UGT1A7: variants seen among roughly 807,000 people sequenced by gnomAD.
UGT1A7 encodes the protein UDP glucuronosyltransferase family 1 member A7.
In UGT1A7, 33 loss-of-function variants were observed where a neutral mutation model predicts 45.6. The ratio of observed to expected loss-of-function variants is 0.72; its 90% confidence interval spans 0.55 to 0.97. The LOEUF (loss-of-function observed/expected upper bound fraction) is 0.97. Among genes scored for constraint, UGT1A7 ranks in the 50% least tolerant of loss-of-function variants. The probability of loss-of-function intolerance (pLI) is 0.00; values close to 1 mark genes in which losing one functional copy is unlikely to be tolerated. For synonymous variants in UGT1A7, 274 were observed against 250.6 expected, an observed-to-expected ratio of 1.09 and a Z score of -0.88; for missense variants, 684 against 666.2, an observed-to-expected ratio of 1.03 and a Z score of -0.29.
intron 1 of UGT1A7, among the ~76,000 whole-genome samples, chr2:233,720,981 G>T (rs746699495): frequency 6.6e-6 from 1 of 151,748 alleles, no homozygotes; most frequent in Non-Finnish European, 1.5e-5. Context: ...AAAGTGCTGG[G>T]ATTACAGGCA....
intron 1 of UGT1A7, among the ~76,000 whole-genome samples, chr2:233,737,817 A>C (rs1486472314): frequency 6.6e-6 from 1 of 152,110 alleles, no homozygotes; most frequent in Admixed American, 6.5e-5. Flanking sequence ...TCAGTGGAGC[A>C]GAACAAATTG....
chr2:233,760,276 A>G (rs1040602725), intron 1 of UGT1A7: 1 of 1,612,606 alleles, frequency 6.2e-7, no homozygotes, highest in South Asian at 1.1e-5. Flanking sequence ...CTCTGGCAGG[A>G]GCAAAGGCGC....
At chr2:233,693,568 T>A (rs879089605) in intron 1 of UGT1A7, 1 of 1,614,242 alleles carries the variant, frequency 6.2e-7, no homozygotes, top group South Asian at 1.1e-5. Context: ...GCCCAGACCC[T>A]GTGTCCTACA....
chr2:233,692,971 CTT>C (rs2075123431), intron 1 of UGT1A7: 4 of 1,611,844 alleles, frequency 2.5e-6, no homozygotes, highest in South Asian at 2.2e-5. Flanking sequence ...AGTGAAAACT[CTT>C]TATTACCGTT....
intron 1 of UGT1A7, among the ~76,000 whole-genome samples, chr2:233,711,520 T>C (rs1354665738): frequency 6.6e-6 from 1 of 152,188 alleles, no homozygotes; most frequent in African/African-American, 2.4e-5. Flanking sequence ...CTCTGTGTCC[T>C]CACAACTCCC....
intron 1 of UGT1A7, among the ~76,000 whole-genome samples, chr2:233,685,534 C>T (rs558249982): frequency 4.6e-5 from 7 of 152,328 alleles, no homozygotes; most frequent in South Asian, 2.1e-4. Flanking sequence ...CCATTGCTCT[C>T]GCATTCTGTT....
chr2:233,690,191 TA>T (rs1234058808), intron 1 of UGT1A7, among the ~76,000 whole-genome samples: 1 of 152,236 alleles, frequency 6.6e-6, no homozygotes, highest in African/African-American at 2.4e-5. Flanking sequence ...TTTCATAAAA[TA>T]TTCATAAATT....
intron 1 of UGT1A7, chr2:233,690,543 G>A (rs1279045231): frequency 1.5e-5 from 19 of 1,289,462 alleles, no homozygotes; most frequent in Non-Finnish European, 1.9e-5. Context: ...CACCCCACTG[G>A]AATATGTCCC....
intron 1 of UGT1A7, among the ~76,000 whole-genome samples, chr2:233,714,978 C>T (rs1467606775): frequency 1.3e-5 from 2 of 152,150 alleles, no homozygotes; most frequent in African/African-American, 4.8e-5. Context: ...CCAGGTTCAA[C>T]TGATTCTCCT....
rs28899172 is a variant in UGT1A7 at position 233,701,035 on chromosome 2, C to A, written c.855+18243C>A. On this transcript the variant is annotated intron_variant, in intron 1 of 4. Coordinates refer to ENST00000373426, the MANE Select transcript of UGT1A7 (RefSeq NM_019077.3). ...GTTTCCAGTTTCATCCATGTCCCTACAAAGGACATGAACTCATAATTTTTT... is the reference window on the plus strand; with the variant it reads ...GTTTCCAGTTTCATCCATGTCCCTAAAAAGGACATGAACTCATAATTTTTT... Among the ~76,000 whole-genome samples, 652 of 152,278 alleles carry A rather than the reference C, an allele frequency of 4.3e-3. 9 individuals carry two copies. Among genetic ancestry groups the A allele is most frequent in the African/African-American group, 0.015 (618 of 41,550 alleles).
chr2:233,715,390 T>C (rs1242817087), intron 1 of UGT1A7, among the ~76,000 whole-genome samples: 1 of 152,222 alleles, frequency 6.6e-6, no homozygotes, highest in African/African-American at 2.4e-5. Flanking sequence ...GCTGTTATCA[T>C]TAAATAATAA....
chr2:233,753,085 C>T (rs1365560580), intron 1 of UGT1A7: 1 of 152,188 alleles, frequency 6.6e-6, no homozygotes, highest in Non-Finnish European at 1.5e-5. Flanking sequence ...CCTTTTATTC[C>T]TGAACGGCTC....
Position 233,682,788 on chromosome 2 carries a change from C to A in UGT1A7, c.851C>A (p.Pro284His), listed in dbSNP as rs757573093. 1.4e-5 allele frequency: 22 copies of A among 1,611,778 alleles called. 1 individual carries two copies. In the Admixed American group the frequency reaches 3.3e-4, roughly 24 times the overall value. The stretch of plus-strand genomic sequence containing the variant: ...AACTGTCATCAGGGAAAGCCAGTGC[C>A]TATGGTAAGTTATCTCCCCTTTAGC... ...GINCHQGKPV[P>H]MEFEAYINAS... The change falls in exon 1 of 5, where the codon CCT becomes CAT. Residue 284 changes from proline (P) to histidine (H), a missense_variant. Coordinates refer to ENST00000373426, the MANE Select transcript of UGT1A7 (RefSeq NM_019077.3).
At chr2:233,716,705 A>T (rs576766862) in intron 1 of UGT1A7, among the ~76,000 whole-genome samples, 1 of 152,342 alleles carries the variant, frequency 6.6e-6, no homozygotes, top group East Asian at 1.9e-4. Flanking sequence ...TCTTAAAAAC[A>T]CTAAAGAGTT....
At chr2:233,735,135 T>C (rs1287914959) in intron 1 of UGT1A7, among the ~76,000 whole-genome samples, 4 of 152,188 alleles carry the variant, frequency 2.6e-5, no homozygotes, top group Non-Finnish European at 4.4e-5. Flanking sequence ...CTCATTATTA[T>C]TGTGTGGGAG....
intron 1 of UGT1A7, chr2:233,708,321 T>C (rs2076012583): frequency 6.6e-6 from 1 of 152,220 alleles, no homozygotes; most frequent in Non-Finnish European, 1.5e-5. Context: ...AGGTAAAAAA[T>C]ATCTCAAGGT....
At chr2:233,732,694 G>A (rs2078300923) in intron 1 of UGT1A7, among the ~76,000 whole-genome samples, 1 of 150,038 alleles carries the variant, frequency 6.7e-6, no homozygotes, top group Non-Finnish European at 1.5e-5. Flanking sequence ...CACCCATGCT[G>A]TTTTGTTACT....
chr2:233,715,439 T>C (rs1470387805), intron 1 of UGT1A7, among the ~76,000 whole-genome samples: 2 of 152,158 alleles, frequency 1.3e-5, no homozygotes, highest in East Asian at 3.9e-4. Flanking sequence ...GTAATGTGAC[T>C]CCTATGTTAT....
At chr2:233,729,133 A>G in intron 1 of UGT1A7, 1 of 1,613,236 alleles carries the variant, frequency 6.2e-7, no homozygotes, top group Non-Finnish European at 8.5e-7. Flanking sequence ...TGAGATGGCC[A>G]CAGGACTCCA....
Sources: gnomAD v4.1 joint callset for allele counts (sites outside exome capture counted in the v4.1 genomes callset) on GRCh38, gnomAD v4.1.1 for gene constraint, MANE v1.5 for transcripts, NCBI Gene and HGNC (gene_info 2026-07-23, HGNC 2026-07-21) for gene names.